The following SWAP70 variants were observed in gnomAD, a reference collection of about 807,000 sequenced individuals.
The protein encoded by SWAP70 is switching B cell complex subunit SWAP70.
A neutral mutation model predicts 80.2 loss-of-function variants in SWAP70; 34 were observed. The ratio of observed to expected loss-of-function variants is 0.42; its 90% CI spans 0.32 to 0.56. The LOEUF is 0.56. Ranked by LOEUF, SWAP70 falls within the 20% of genes least tolerant of loss-of-function variation. SWAP70 has a pLI of 0.09. For synonymous variants in SWAP70, 239 were observed against 238.5 expected (o/e 1.00, Z -0.02); for missense variants, 578 against 690.7 (o/e 0.84, Z 1.83).
chr11:9,717,781 G>GT (rs955565481), intron 3 of SWAP70, among the ~76,000 whole-genome samples: 5 of 151,710 alleles, frequency 3.3e-5, no homozygotes, highest in Non-Finnish European at 7.4e-5. Context: ...TTGATGTTTT[G>GT]TTTTTTTCCA....
At chr11:9,690,309 T>C (rs1394182558) in intron 1 of SWAP70, among the ~76,000 whole-genome samples, 1 of 152,166 alleles carries the variant, frequency 6.6e-6, no homozygotes, top group African/African-American at 2.4e-5. Context: ...TGGTAAGGTG[T>C]AGTCGTTCAC....
chr11:9,711,703 G>A (rs1851000984), intron 2 of SWAP70, among the ~76,000 whole-genome samples: 1 of 152,146 alleles, frequency 6.6e-6, no homozygotes, highest in Non-Finnish European at 1.5e-5. Context: ...GACTGTTCCC[G>A]TGAGTGGTTC....
intron 3 of SWAP70, among the ~76,000 whole-genome samples, chr11:9,722,580 G>C (rs1381336819): frequency 6.6e-6 from 1 of 152,148 alleles, no homozygotes; most frequent in Non-Finnish European, 1.5e-5. Flanking sequence ...AGGTGGTGCC[G>C]ACGTCACTGG....
At chr11:9,676,726 T>C (rs1850505778) in intron 1 of SWAP70, among the ~76,000 whole-genome samples, 1 of 150,312 alleles carries the variant, frequency 6.7e-6, no homozygotes, top group East Asian at 2.0e-4. Flanking sequence ...CTCGGCTTAC[T>C]GCAAGCTCCG....
At chr11:9,681,961 C>G (rs912181883) in intron 1 of SWAP70, among the ~76,000 whole-genome samples, 1 of 152,176 alleles carries the variant, frequency 6.6e-6, no homozygotes, top group African/African-American at 2.4e-5. Flanking sequence ...ACCTGTACTC[C>G]ATTACTTGTG....
intron 6 of SWAP70, among the ~76,000 whole-genome samples, chr11:9,731,701 CTGTT>C (rs932794352): frequency 3.3e-5 from 5 of 152,032 alleles, no homozygotes; most frequent in Admixed American, 1.3e-4. Flanking sequence ...TGTTGTGCCA[CTGTT>C]TGTGTGAAAA....
chr11:9,669,186 G>A (rs993613177), intron 1 of SWAP70, among the ~76,000 whole-genome samples: 4 of 152,162 alleles, frequency 2.6e-5, no homozygotes, highest in East Asian at 1.9e-4. Context: ...AATGAACTCC[G>A]AAGGAAGTTA....
At chr11:9,701,017 A>G (rs11821857) in intron 2 of SWAP70, among the ~76,000 whole-genome samples, 2,365 of 152,134 alleles carry the variant, frequency 0.016, 60 homozygotes, top group African/African-American at 0.054. Flanking sequence ...CAAGAGTTAA[A>G]TTATATTGAA....
At chr11:9,682,637 G>C (rs1389553497) in intron 1 of SWAP70, among the ~76,000 whole-genome samples, 1 of 152,058 alleles carries the variant, frequency 6.6e-6, no homozygotes, top group African/African-American at 2.4e-5. Context: ...AAAAATTTAA[G>C]TCTTTTGATT....
chr11:9,664,821 CCTT>C (rs1476335673), intron 1 of SWAP70, among the ~76,000 whole-genome samples: 5 of 152,162 alleles, frequency 3.3e-5, no homozygotes, highest in African/African-American at 1.2e-4. Context: ...CCTCCAGGGT[CCTT>C]CTCCTTTGGG....
intron 7 of SWAP70, 50 bp from the exon 8 acceptor site, chr11:9,738,163 A>C (rs1173674335): frequency 1.5e-6 from 2 of 1,335,294 alleles, no homozygotes; most frequent in South Asian, 2.7e-5. Context: ...TCTTTAATGT[A>C]CTTCTACTCT....
intron 1 of SWAP70, among the ~76,000 whole-genome samples, chr11:9,678,097 T>C (rs1396384701): frequency 6.6e-6 from 1 of 152,232 alleles, no homozygotes; most frequent in Non-Finnish European, 1.5e-5. Context: ...TATACAAATG[T>C]AGTTAATTCT....
chr11:9,737,605 C>T (rs1468598342), intron 7 of SWAP70, among the ~76,000 whole-genome samples: 5 of 152,136 alleles, frequency 3.3e-5, no homozygotes, highest in South Asian at 2.1e-4. Flanking sequence ...GCTCTCAAAT[C>T]TCATGAATGT....
At chr11:9,698,733 T>G (rs1191592532) in intron 2 of SWAP70, among the ~76,000 whole-genome samples, 1 of 152,158 alleles carries the variant, frequency 6.6e-6, no homozygotes, top group Non-Finnish European at 1.5e-5. Context: ...GAATTTCCTT[T>G]TCAGAGATGA....
At chr11:9,673,655 C>T (rs1423576236) in intron 1 of SWAP70, among the ~76,000 whole-genome samples, 2 of 152,136 alleles carry the variant, frequency 1.3e-5, no homozygotes, top group African/African-American at 4.8e-5. Context: ...GTGTAGCTTT[C>T]CTTCCTCCAG....
At chr11:9,717,166 C>T (rs1314065397) in intron 3 of SWAP70, among the ~76,000 whole-genome samples, 3 of 151,898 alleles carry the variant, frequency 2.0e-5, no homozygotes, top group Non-Finnish European at 4.4e-5. Flanking sequence ...ATGATGTAAT[C>T]GTGTATGTAT....
At chr11:9,681,865 AC>A (rs1156831546) in intron 1 of SWAP70, among the ~76,000 whole-genome samples, 2 of 152,224 alleles carry the variant, frequency 1.3e-5, no homozygotes, top group African/African-American at 4.8e-5. Context: ...CTGTGAGAAT[AC>A]TATGATGAAA....
intron 3 of SWAP70, among the ~76,000 whole-genome samples, chr11:9,723,771 C>CTTTTTTTTT (rs34551025): frequency 1.6e-5 from 2 of 124,614 alleles, no homozygotes; most frequent in Non-Finnish European, 1.7e-5. Context: ...TCCTTCTTTA[C>CTTTTTTTTT]TTTTTTTTTT....
chr11:9,682,543 TAGAGATGACTTAAGG>T (rs1337952527), intron 1 of SWAP70, among the ~76,000 whole-genome samples: 1 of 152,254 alleles, frequency 6.6e-6, no homozygotes, highest in East Asian at 1.9e-4. Context: ...ATCATTTGAA[TAGAGATGACTTAAGG>T]TTGTCAGAAT....
Sources: gnomAD v4.1 joint callset for allele counts (sites outside exome capture counted in the v4.1 genomes callset) on GRCh38, gnomAD v4.1.1 for gene constraint, MANE v1.5 for transcripts, NCBI Gene and HGNC (gene_info 2026-07-23, HGNC 2026-07-21) for gene names.